Variants in EBF2 observed in about 807,000 individuals in gnomAD.
The protein encoded by EBF2 is EBF transcription factor 2.
In EBF2, 21 loss-of-function variants were observed where a neutral mutation model predicts 72.8. The observed-to-expected ratio is 0.29, with a 90% CI of 0.20 to 0.42. The LOEUF (loss-of-function observed/expected upper bound fraction) is 0.42. EBF2 is among the 10% of genes least tolerant of loss of function. EBF2 has a pLI of 1.00. For synonymous variants in EBF2, 299 were observed against 274.2 expected (o/e 1.09, Z -0.89); for missense variants, 637 against 731.2 (o/e 0.87, Z 1.49).
At chr8:25,874,625 C>T (rs998860052) in intron 10 of EBF2, among the ~76,000 whole-genome samples, 2 of 151,878 alleles carry the variant, frequency 1.3e-5, no homozygotes, top group African/African-American at 4.8e-5. Flanking sequence ...TTTGGTCCAC[C>T]TTTTATTTTT....
Position 26,045,201 on chromosome 8 carries a change from G to T in EBF2, c.-342C>A. 1 of 172,690 alleles carries T rather than the reference G, an allele frequency of 5.8e-6. No homozygotes were observed. The highest frequency in any genetic ancestry group is 1.2e-5 in the Non-Finnish European group (1 of 81,670). 10.7% of individuals were successfully genotyped at this position (172,690 alleles called of 1,614,324 possible). On this transcript the variant is annotated 5_prime_UTR_variant, in exon 1 of 16. Coordinates refer to ENST00000520164, the MANE Select transcript of EBF2 (RefSeq NM_022659.4). The stretch of plus-strand genomic sequence containing the variant: ...ATCACCTGTTCTGGGAGAAACTGGA[G>T]GAAATTGATGGCTGCCTAATCTCTC...
At chr8:25,892,222 A>C (rs912839565) in intron 7 of EBF2, among the ~76,000 whole-genome samples, 1 of 152,266 alleles carries the variant, frequency 6.6e-6, no homozygotes, top group Admixed American at 6.5e-5. Flanking sequence ...TTATAAAAAG[A>C]TATTGAAATA....
chr8:25,922,811 A>T (rs1803325495), intron 6 of EBF2, among the ~76,000 whole-genome samples: 1 of 152,192 alleles, frequency 6.6e-6, no homozygotes, highest in Non-Finnish European at 1.5e-5. Flanking sequence ...GGTGGGGGAA[A>T]GGCCTAATTG....
At chr8:26,032,499 T>A (rs1173768898) in intron 6 of EBF2, 2 of 150,892 alleles carry the variant, frequency 1.3e-5, no homozygotes, top group Non-Finnish European at 2.9e-5. Context: ...TAAGTTCTGT[T>A]TCCAATCACA....
intron 15 of EBF2, among the ~76,000 whole-genome samples, chr8:25,848,813 C>T (rs1156860509): frequency 6.6e-6 from 1 of 152,186 alleles, no homozygotes; most frequent in Non-Finnish European, 1.5e-5. Flanking sequence ...TCTCAATCTG[C>T]ATTTTGCCAG....
At chr8:25,874,274 C>CA (rs1466717839) in intron 10 of EBF2, among the ~76,000 whole-genome samples, 1 of 152,182 alleles carries the variant, frequency 6.6e-6, no homozygotes, top group Non-Finnish European at 1.5e-5. Flanking sequence ...AATTCACACA[C>CA]AGCCTTGGGG....
At chr8:25,855,578 C>T (rs1223794767) in intron 14 of EBF2, among the ~76,000 whole-genome samples, 1 of 151,954 alleles carries the variant, frequency 6.6e-6, no homozygotes, top group African/African-American at 2.4e-5. Context: ...ACATCAGATG[C>T]ATTTTAAAAA....
chr8:26,043,548 C>T (rs988236425), intron 1 of EBF2, among the ~76,000 whole-genome samples: 1 of 152,166 alleles, frequency 6.6e-6, no homozygotes, highest in Non-Finnish European at 1.5e-5. Flanking sequence ...CCGCGCTGTG[C>T]GGTCTGCCGG....
chr8:25,979,896 C>A (rs1407071208), intron 6 of EBF2, among the ~76,000 whole-genome samples: 1 of 152,098 alleles, frequency 6.6e-6, no homozygotes, highest in Non-Finnish European at 1.5e-5. Context: ...ACCCACCCAA[C>A]CATCCCCTCC....
intron 10 of EBF2, among the ~76,000 whole-genome samples, chr8:25,869,709 G>A (rs1466500516): frequency 6.6e-6 from 1 of 151,952 alleles, no homozygotes; most frequent in Non-Finnish European, 1.5e-5. Flanking sequence ...CAGCAATTTG[G>A]GAAGACTTTT....
At chr8:25,996,214 G>A (rs1438800050) in intron 6 of EBF2, among the ~76,000 whole-genome samples, 1 of 150,890 alleles carries the variant, frequency 6.6e-6, no homozygotes, top group Admixed American at 6.6e-5. Context: ...AGGATGGCTT[G>A]AGCCCAGGAG....
intron 15 of EBF2, 36 bp downstream of exon 15, chr8:25,850,558 T>C: frequency 1.3e-6 from 2 of 1,506,690 alleles, no homozygotes; most frequent in Non-Finnish European, 1.8e-6. Context: ...AACCCTATGG[T>C]ACATTGTGTA....
At chr8:25,888,119 A>G (rs1303190302) in intron 8 of EBF2, 147 bp from the exon 9 acceptor site, 3 of 899,072 alleles carry the variant, frequency 3.3e-6, no homozygotes, top group Non-Finnish European at 4.7e-6. Context: ...CTAACAAACA[A>G]CAAACAAAAA....
At chr8:25,862,849 C>G (rs777134662) in intron 10 of EBF2, 52 bp from the exon 11 acceptor site, 3 of 1,363,556 alleles carry the variant, frequency 2.2e-6, no homozygotes, top group Non-Finnish European at 3.0e-6. Context: ...ATAAAGCAAA[C>G]CTTCTAATTA....
chr8:25,852,767 G>A lies in EBF2; in HGVS notation c.1529-2006C>T, dbSNP rs200997908. Among the ~76,000 whole-genome samples the A allele has an allele frequency of 1.1e-4, 16 of 152,286 alleles. No individual in the cohort carries two copies. The East Asian group carries it at 1.7e-3, about 16-fold the overall frequency. On this transcript the variant is annotated intron_variant, in intron 14 of 15. Coordinates refer to ENST00000520164, the MANE Select transcript of EBF2 (RefSeq NM_022659.4). ...ATGCATTCAACTGAATTTAAAATTC[G>A]ATGCAACTATAATAAAAATGCTGAA...
chr8:25,986,169 T>G (rs1414968882), intron 6 of EBF2, among the ~76,000 whole-genome samples: 1 of 152,120 alleles, frequency 6.6e-6, no homozygotes, highest in Non-Finnish European at 1.5e-5. Context: ...TTCTTGAAGC[T>G]TATGGTTCAG....
intron 5 of EBF2, 100 bp from the exon 6 acceptor site, chr8:26,033,253 G>A: frequency 8.5e-7 from 1 of 1,180,706 alleles, no homozygotes; most frequent in Middle Eastern, 2.1e-4. Context: ...GACAGAGTCT[G>A]GCTCTGTCAC....
chr8:26,033,278 A>G, intron 5 of EBF2, 125 bp from the exon 6 acceptor site: 1 of 842,024 alleles, frequency 1.2e-6, no homozygotes, highest in Non-Finnish European at 1.9e-6. Context: ...CTGTAGTACA[A>G]TGGCTTGATG....
intron 6 of EBF2, among the ~76,000 whole-genome samples, chr8:25,983,492 A>G (rs868332320): frequency 6.6e-6 from 1 of 152,220 alleles, no homozygotes; most frequent in Non-Finnish European, 1.5e-5. Context: ...CTCCAGGCTC[A>G]GCGCTGCCTC....
Sources: gnomAD v4.1 joint callset for allele counts (sites outside exome capture counted in the v4.1 genomes callset) on GRCh38, gnomAD v4.1.1 for gene constraint, MANE v1.5 for transcripts, NCBI Gene and HGNC (gene_info 2026-07-23, HGNC 2026-07-21) for gene names.